The following HENMT1 variants were observed in gnomAD, a reference collection of about 807,000 sequenced individuals.
The protein encoded by HENMT1 is HEN methyltransferase 1.
HENMT1 carries 27 observed loss-of-function variants against 31.1 expected under a neutral mutation model. The ratio of observed to expected loss-of-function variants is 0.87; its 90% CI spans 0.64 to 1.20. The LOEUF is 1.20. Among genes scored for constraint, HENMT1 ranks in the 50% most tolerant of loss-of-function variants. The pLI is 0.00. For synonymous variants in HENMT1, 167 were observed against 172.2 expected (o/e 0.97, Z 0.24); for missense variants, 438 against 469.6 (o/e 0.93, Z 0.62).
At chr1:108,650,657 G>A (rs948414559) in intron 6 of HENMT1, among the ~76,000 whole-genome samples, 2 of 152,120 alleles carry the variant, frequency 1.3e-5, no homozygotes, top group Non-Finnish European at 2.9e-5. Flanking sequence ...GGCAACAAGT[G>A]CTCAACCCAA....
rs898308651 is a variant in HENMT1, at chr1:108,661,031, C to A, written c.-147G>T. The A allele has an allele frequency of 4.1e-6, 4 of 984,604 alleles. No homozygotes were observed. Among genetic ancestry groups the A allele is most frequent in the Non-Finnish European group, 4.8e-6 (4 of 829,308 alleles). 61.0% of individuals were successfully genotyped at this position (984,604 alleles called of 1,614,324 possible). On this transcript the variant is annotated 5_prime_UTR_variant, in exon 1 of 8. Coordinates refer to ENST00000651461, the MANE Select transcript of HENMT1 (RefSeq NM_001102592.2). ...ATCCTGCGGTAAGCAGCATGCCCAACCGAAAAAACAAAGCTCGTCGCGGAG... is the reference window on the plus strand; with the variant it reads ...ATCCTGCGGTAAGCAGCATGCCCAAACGAAAAAACAAAGCTCGTCGCGGAG...
intron 7 of HENMT1, among the ~76,000 whole-genome samples, chr1:108,649,804 T>C (rs1027708479): frequency 3.3e-5 from 5 of 152,206 alleles, no homozygotes; most frequent in Non-Finnish European, 5.9e-5. Context: ...TGCTCAACTA[T>C]TGCTTTCAAG....
upstream of HENMT1, chr1:108,661,099 C>G: frequency 1.6e-6 from 1 of 634,492 alleles, no homozygotes; most frequent in Non-Finnish European, 2.0e-6. Context: ...CGCCCGCGCA[C>G]GCACGGCCTC....
At chr1:108,653,864 T>G (rs1413842294) in intron 5 of HENMT1, among the ~76,000 whole-genome samples, 1 of 152,236 alleles carries the variant, frequency 6.6e-6, no homozygotes, top group African/African-American at 2.4e-5. Flanking sequence ...TTCTGTTCAC[T>G]CTATTCTTTG....
chr1:108,658,188 G>A (rs1430396657), intron 2 of HENMT1, among the ~76,000 whole-genome samples: 1 of 151,390 alleles, frequency 6.6e-6, no homozygotes, highest in Non-Finnish European at 1.5e-5. Flanking sequence ...CTGGAGTGCA[G>A]TGGCGCGATC....
At chr1:108,650,172 A>G (rs775424164) in intron 7 of HENMT1, 39 bp downstream of exon 7, 11 of 1,589,596 alleles carry the variant, frequency 6.9e-6, no homozygotes. Context: ...ATCCTAATGT[A>G]TCTCTAGCCC....
intron 2 of HENMT1, 57 bp downstream of exon 2, chr1:108,659,807 T>C (rs1658387888): frequency 9.2e-7 from 1 of 1,090,822 alleles, no homozygotes; most frequent in Middle Eastern, 2.0e-4. Context: ...TATCTCACAA[T>C]ACATCCAGGT....
intron 3 of HENMT1, among the ~76,000 whole-genome samples, chr1:108,656,632 C>G (rs1658251991): frequency 1.3e-5 from 2 of 152,282 alleles, no homozygotes; most frequent in African/African-American, 4.8e-5. Flanking sequence ...TAGGCACGCA[C>G]CACCATGCAC....
At chr1:108,650,104 C>A (rs1171245675) in intron 7 of HENMT1, 107 bp downstream of exon 7, 3 of 987,370 alleles carry the variant, frequency 3.0e-6, no homozygotes, top group Non-Finnish European at 4.8e-6. Context: ...AACCACAAAG[C>A]AAGGTCATTT....
rs1238202985 is a variant in HENMT1 at position 108,654,842 on chromosome 1, A to G, written c.272T>C (p.Leu91Ser). Residue 91 changes from leucine to serine, a missense_variant, in exon 5 of 8, where the codon TTA becomes TCA. Physicochemically the swap from Leu to Ser is moderately radical, Grantham distance 145. Transcript: ENST00000651461. ...EDKLRWRGDSLAPFLGDFLKP... is the reference protein window; with the variant it reads ...EDKLRWRGDSSAPFLGDFLKP... ...CAGAAAATCCCCCAGGAAAGGAGCTAACGAATCCCTGCAAAATAATTATTG... is the reference window on the plus strand; with the variant it reads ...CAGAAAATCCCCCAGGAAAGGAGCTGACGAATCCCTGCAAAATAATTATTG... 6.2e-7 allele frequency: 1 copy of G among 1,614,092 alleles called. No individual in the cohort carries two copies. The highest frequency in any genetic ancestry group is 1.1e-5 in the South Asian group (1 of 91,084).
intron 7 of HENMT1, among the ~76,000 whole-genome samples, chr1:108,649,790 AG>A (rs1303661874): frequency 2.6e-5 from 4 of 152,180 alleles, no homozygotes; most frequent in Admixed American, 2.0e-4. Context: ...TTACAAAAAG[AG>A]GTTGCTCAAC....
Position 108,650,997 on chromosome 1 carries a change from A to G in HENMT1, c.578+33T>C, listed in dbSNP as rs532089016. ...TCCTAAGATTTTAAACTCCAACAGGATCCCAAATAAACAAAAACCCTTCTG... is the reference window on the plus strand; with the variant it reads ...TCCTAAGATTTTAAACTCCAACAGGGTCCCAAATAAACAAAAACCCTTCTG... On this transcript the variant is annotated intron_variant, in intron 6 of 7. Transcript: ENST00000651461. 40 of 1,495,030 alleles carry G rather than the reference A, an allele frequency of 2.7e-5. No homozygotes were observed. The South Asian group carries it at 4.5e-4, about 17-fold the overall frequency. The allele number at this position is 1,495,030 out of a possible 1,614,324, so 92.6% of individuals were successfully genotyped here. A position where few individuals can be genotyped will look rare whatever the true frequency, so the allele number is the denominator to read the frequency against.
At chr1:108,658,361 CTGACCTCG>C (rs1658330321) in intron 2 of HENMT1, among the ~76,000 whole-genome samples, 1 of 152,130 alleles carries the variant, frequency 6.6e-6, no homozygotes, top group South Asian at 2.1e-4. Flanking sequence ...TCTTGAACTC[CTGACCTCG>C]TGATCCACCC....
intron 2 of HENMT1, 150 bp from the exon 3 acceptor site, chr1:108,657,729 T>C: frequency 2.9e-6 from 2 of 695,512 alleles, no homozygotes; most frequent in Non-Finnish European, 4.8e-6. Context: ...AATCATTAGG[T>C]AGCACTGCAT....
At chr1:108,656,837 T>C (rs1658259419) in intron 3 of HENMT1, among the ~76,000 whole-genome samples, 1 of 152,216 alleles carries the variant, frequency 6.6e-6, no homozygotes, top group Non-Finnish European at 1.5e-5. Context: ...TCTAACTAAA[T>C]GCTCTAGAAG....
chr1:108,654,268 G>A (rs1199080124), intron 5 of HENMT1, among the ~76,000 whole-genome samples: 2 of 152,092 alleles, frequency 1.3e-5, no homozygotes, highest in Admixed American at 6.6e-5. Context: ...CCAGAACCAC[G>A]ATGTTTTTAT....
At chr1:108,650,154 A>G (rs1421588475) in intron 7 of HENMT1, 57 bp downstream of exon 7, 1 of 1,517,224 alleles carries the variant, frequency 6.6e-7, no homozygotes, top group Admixed American at 1.7e-5. Flanking sequence ...TCCCCAAAAA[A>G]GTTCACCATC....
At chr1:108,658,916 T>C (rs1658354230) in intron 2 of HENMT1, among the ~76,000 whole-genome samples, 1 of 152,242 alleles carries the variant, frequency 6.6e-6, no homozygotes, top group East Asian at 1.9e-4. Context: ...GTATTTGATA[T>C]CTGATGTAGC....
intron 1 of HENMT1, among the ~76,000 whole-genome samples, chr1:108,660,415 C>T (rs1285732607): frequency 6.6e-6 from 1 of 151,906 alleles, no homozygotes; most frequent in Admixed American, 6.6e-5. Flanking sequence ...ATTGCTAAGA[C>T]CCTCAACTTC....
Sources: gnomAD v4.1 joint callset for allele counts (sites outside exome capture counted in the v4.1 genomes callset) on GRCh38, gnomAD v4.1.1 for gene constraint, MANE v1.5 for transcripts, NCBI Gene and HGNC (gene_info 2026-07-23, HGNC 2026-07-21) for gene names.